The following ERGIC1 variants were observed in gnomAD, a reference collection of about 807,000 sequenced individuals.
ERGIC1 encodes the protein endoplasmic reticulum-Golgi intermediate compartment protein 1.
A neutral mutation model predicts 38.3 loss-of-function variants in ERGIC1; 19 were observed. The ratio of observed to expected loss-of-function variants is 0.50; its 90% CI spans 0.35 to 0.73. The LOEUF is 0.73. Ranked by LOEUF, ERGIC1 falls within the 30% of genes least tolerant of loss-of-function variation. ERGIC1 has a pLI of 0.01. For missense variants in ERGIC1, 294 were observed against 389.2 expected, an observed-to-expected ratio of 0.76 and a Z score of 2.06; for synonymous variants, 124 against 157.6, an observed-to-expected ratio of 0.79 and a Z score of 1.60.
intron 1 of ERGIC1, among the ~76,000 whole-genome samples, chr5:172,876,117 T>G (rs1762135079): frequency 6.6e-6 from 1 of 151,930 alleles, no homozygotes; most frequent in East Asian, 1.9e-4. Context: ...GATGCTCAGA[T>G]GGATCACTGC....
intron 1 of ERGIC1, among the ~76,000 whole-genome samples, chr5:172,875,850 G>A (rs149694744): frequency 4.5e-4 from 69 of 152,328 alleles, no homozygotes; most frequent in African/African-American, 1.6e-3. Context: ...TAACAGGCAT[G>A]AGCCACCATG....
intron 5 of ERGIC1, among the ~76,000 whole-genome samples, chr5:172,921,028 G>T (rs1375185517): frequency 6.6e-6 from 1 of 152,220 alleles, no homozygotes; most frequent in Non-Finnish European, 1.5e-5. Flanking sequence ...CCTCTTCCGG[G>T]AGGGCCCTTC....
rs545385817 is a variant in ERGIC1 at position 172,912,408 on chromosome 5, G to A, written c.251-2306G>A. 3.9e-4 allele frequency among the ~76,000 whole-genome samples: 59 copies of A among 152,284 alleles called. 1 individual carries two copies. In the South Asian group the frequency reaches 0.012, roughly 31 times the overall value. Reference sequence around the variant, plus strand: ...TAAATGGTGTTTTGTTTTGTTTTGAGACAGAGTCTCACACTGTCACCCAGG... The same window carrying A: ...TAAATGGTGTTTTGTTTTGTTTTGAAACAGAGTCTCACACTGTCACCCAGG... On this transcript the variant is annotated intron_variant, in intron 4 of 9. Coordinates refer to ENST00000393784, the MANE Select transcript of ERGIC1 (RefSeq NM_001031711.3).
intron 1 of ERGIC1, among the ~76,000 whole-genome samples, chr5:172,874,190 T>A (rs1405055089): frequency 6.6e-6 from 1 of 152,194 alleles, no homozygotes; most frequent in South Asian, 2.1e-4. Flanking sequence ...GCGATTCTCC[T>A]GCCTCAGCCT....
In ERGIC1 at chr5:172,926,569, C is replaced by T. The variant is rs1447753460; in HGVS notation, c.541C>T (p.Pro181Ser). 1.3e-5 allele frequency: 21 copies of T among 1,612,184 alleles called. No homozygotes were observed. Among genetic ancestry groups the T allele is most frequent in the South Asian group, 4.4e-5 (4 of 91,072 alleles). ...GGGAGCAGACAGACTCACCTCCAAC[C>T]GTATGTATCCCTGCTGGGAACAGCC... ...LGGADRLTSN[P>S]LASHDYILKI... Residue 181 changes from proline to serine, a missense_variant and splice_region_variant, in exon 7 of 10, where the codon CCC becomes TCC. Transcript: ENST00000393784. The surrounding 1 kb of genome is among the most constrained non-coding windows in gnomAD (Gnocchi z 5.2).
Position 172,902,184 on chromosome 5 carries a change from G to C in ERGIC1, c.155+5110G>C, listed in dbSNP as rs1306504935. Among the ~76,000 whole-genome samples, 8 of 152,252 alleles carry C rather than the reference G, an allele frequency of 5.3e-5. No homozygotes were observed. In the East Asian group the frequency reaches 1.4e-3, roughly 26 times the overall value. On this transcript the variant is annotated intron_variant, in intron 3 of 9. Transcript: ENST00000393784. The stretch of plus-strand genomic sequence containing the variant: ...TCAGAATAGTTGACTGGAGGACTTG[G>C]ATGCACCCTTCTAGGGTGAGGTGGC...
intron 1 of ERGIC1, among the ~76,000 whole-genome samples, chr5:172,849,382 C>A (rs1761349183): frequency 6.6e-6 from 1 of 152,172 alleles, no homozygotes. Context: ...TTCAGTGATT[C>A]TTAGGGTCAG....
chr5:172,877,084 G>A (rs1014901367), intron 1 of ERGIC1, among the ~76,000 whole-genome samples: 2 of 152,132 alleles, frequency 1.3e-5, no homozygotes, highest in Admixed American at 6.5e-5. Flanking sequence ...AAGGTTTATA[G>A]TAAGTCTGGA....
At position 172,848,923 on chromosome 5, in the gene ERGIC1, A is replaced by G. The variant is rs913039860; in HGVS notation, c.20+14490A>G. Among the ~76,000 whole-genome samples the G allele has an allele frequency of 7.4e-4, 112 of 152,216 alleles. 1 individual carries two copies. Among genetic ancestry groups the G allele is most frequent in the Non-Finnish European group, 2.1e-4 (14 of 68,040 alleles). On this transcript the variant is annotated intron_variant, in intron 1 of 9. Coordinates refer to ENST00000393784, the MANE Select transcript of ERGIC1 (RefSeq NM_001031711.3). ...CAGACATTACTGAGGCCCTGCCTGAAGGAGGGGTGGGTGGCCCACTACCTA... is the reference window on the plus strand; with the variant it reads ...CAGACATTACTGAGGCCCTGCCTGAGGGAGGGGTGGGTGGCCCACTACCTA...
intron 1 of ERGIC1, among the ~76,000 whole-genome samples, chr5:172,885,456 C>G (rs1483515679): frequency 6.6e-6 from 1 of 152,014 alleles, no homozygotes; most frequent in East Asian, 1.9e-4. Context: ...TTTTAAACTG[C>G]GAGGCCCAGT....
chr5:172,917,396 T>A (rs551200423), intron 5 of ERGIC1: 1 of 152,292 alleles, frequency 6.6e-6, no homozygotes, highest in Admixed American at 6.5e-5. Flanking sequence ...TTGGAAGTCA[T>A]GGGTCCTCAG....
intron 1 of ERGIC1, among the ~76,000 whole-genome samples, chr5:172,849,620 G>A (rs1365274703): frequency 1.3e-5 from 2 of 152,222 alleles, no homozygotes; most frequent in Non-Finnish European, 2.9e-5. Flanking sequence ...GGTCACACCT[G>A]CAGGAATGCA....
chr5:172,862,202 G>GC lies in ERGIC1; in HGVS notation c.21-26496dup, dbSNP rs556005705. On this transcript the variant is annotated intron_variant, in intron 1 of 9. Transcript: ENST00000393784. ...GACAGGGTTTCACCATGTTGGCCAG[G>GC]CTGGTGACCTCCTGACCTCAAATGA... is the stretch of plus-strand genomic sequence containing the variant. Among the ~76,000 whole-genome samples the GC allele has an allele frequency of 1.6e-3, 239 of 147,552 alleles. 1 individual carries two copies. Among genetic ancestry groups the GC allele is most frequent in the African/African-American group, 5.4e-3 (218 of 40,024 alleles).
intron 9 of ERGIC1, among the ~76,000 whole-genome samples, chr5:172,943,831 G>A (rs770309634): frequency 2.0e-5 from 3 of 152,214 alleles, no homozygotes; most frequent in African/African-American, 7.2e-5. Context: ...GAAGGCGTTC[G>A]TGCTGGTGGA....
At chr5:172,866,873 G>C (rs1761876926) in intron 1 of ERGIC1, 38 of 308,848 alleles carry the variant, frequency 1.2e-4, no homozygotes, top group South Asian at 9.2e-4. Context: ...CAGGCAGGCA[G>C]AGACTGCCTT....
chr5:172,937,167 A>C (rs1388117452), intron 9 of ERGIC1: 3 of 152,220 alleles, frequency 2.0e-5, no homozygotes, highest in Non-Finnish European at 4.4e-5. Context: ...TCTCACACGC[A>C]GCCTGGGAAA....
Position 172,834,579 on chromosome 5 carries a change from A to AGC in ERGIC1, c.20+147_20+148dup. On this transcript the variant is annotated intron_variant, in intron 1 of 9. Transcript: ENST00000393784. This position sits in a 1 kb window ranked among gnomAD's most constrained non-coding sequence, Gnocchi z 4.1. The stretch of plus-strand genomic sequence containing the variant: ...CGCAGGCCCCTAGGGACCCCAGGCG[A>AGC]GCCCCCCCCCTGCCGCACACGAAGC... 1 of 542,224 alleles carries AGC rather than the reference A, an allele frequency of 1.8e-6. No individual in the cohort carries two copies. Among genetic ancestry groups the AGC allele is most frequent in the Non-Finnish European group, 2.3e-6 (1 of 434,570 alleles). 33.6% of individuals were successfully genotyped at this position (542,224 alleles called of 1,614,324 possible).
intron 1 of ERGIC1, among the ~76,000 whole-genome samples, chr5:172,857,588 G>GCCCCCC (rs57477954): frequency 2.5e-4 from 33 of 132,678 alleles, no homozygotes; most frequent in African/African-American, 6.1e-4. Context: ...TAATAATGGT[G>GCCCCCC]CCCCCCCCAC....
At chr5:172,920,927 T>C (rs985156611) in intron 5 of ERGIC1, among the ~76,000 whole-genome samples, 1 of 152,192 alleles carries the variant, frequency 6.6e-6, no homozygotes, top group East Asian at 1.9e-4. Flanking sequence ...ATCATGAAAA[T>C]GTACCCAGGC....
Sources: gnomAD v4.1 joint callset for allele counts (sites outside exome capture counted in the v4.1 genomes callset) on GRCh38, gnomAD v4.1.1 for gene constraint, Gnocchi (gnomAD v3.1) non-coding constraint, MANE v1.5 for transcripts, NCBI Gene and HGNC (gene_info 2026-07-23, HGNC 2026-07-21) for gene names.